Variants in PRIM2 observed in about 807,000 individuals in gnomAD.
PRIM2 encodes DNA primase subunit 2.
A neutral mutation model predicts 67.3 loss-of-function variants in PRIM2; 39 were observed. That is an observed-to-expected ratio of 0.58 (90% confidence interval 0.45 to 0.76). The LOEUF is 0.76. Among genes scored for constraint, PRIM2 ranks in the 30% least tolerant of loss-of-function variants. The probability of loss-of-function intolerance (pLI) is 0.00; values close to 1 mark genes in which losing one functional copy is unlikely to be tolerated. For synonymous variants in PRIM2, 143 were observed against 198.7 expected, an observed-to-expected ratio of 0.72 and a Z score of 2.36; for missense variants, 398 against 598.7, an observed-to-expected ratio of 0.66 and a Z score of 3.50.
chr6:57,467,525 G>A (rs1341190564), intron 7 of PRIM2, among the ~76,000 whole-genome samples: 3 of 152,134 alleles, frequency 2.0e-5, no homozygotes, highest in Non-Finnish European at 4.4e-5. Context: ...TTTGGTTACT[G>A]TAGCCGTATA....
At chr6:57,303,653 T>C in the PRIM2 span, among the ~76,000 whole-genome samples, 1 of 152,158 alleles carries the variant, frequency 6.6e-6, no homozygotes, top group Non-Finnish European at 1.5e-5. Context: ...TCTCCCTCTG[T>C]TGCCCAGGCT....
At chr6:57,418,382 G>GGGTTTTTTTTTT (rs1771343346) in intron 7 of PRIM2, among the ~76,000 whole-genome samples, 3 of 30,598 alleles carry the variant, frequency 9.8e-5, no homozygotes, top group Admixed American at 2.8e-4. Context: ...CTATGTGTGT[G>GGGTTTTTTTTTT]GTTTTTTTTT....
intron 5 of PRIM2, among the ~76,000 whole-genome samples, chr6:57,356,847 A>G: frequency 6.6e-6 from 1 of 151,706 alleles, no homozygotes. Context: ...CTATGCCTAA[A>G]TGTCTCTAGA....
the PRIM2 span, among the ~76,000 whole-genome samples, chr6:57,305,752 A>G: frequency 6.6e-6 from 1 of 152,246 alleles, no homozygotes; most frequent in African/African-American, 2.4e-5. Context: ...ATTTTAGTCC[A>G]GCTTAAATTT....
intron 7 of PRIM2, among the ~76,000 whole-genome samples, chr6:57,472,624 G>C (rs1773365065): frequency 6.6e-6 from 1 of 152,012 alleles, no homozygotes; most frequent in African/African-American, 2.4e-5. Flanking sequence ...TTTGTGTGGG[G>C]CAATTTTACC....
chr6:57,462,621 A>G (rs1205359786), intron 7 of PRIM2, among the ~76,000 whole-genome samples: 2 of 152,200 alleles, frequency 1.3e-5, no homozygotes, highest in East Asian at 1.9e-4. Context: ...TTAGGCTGCC[A>G]TAGTAGAAGA....
chr6:57,454,688 A>C (rs1772694638), intron 7 of PRIM2, among the ~76,000 whole-genome samples: 2 of 152,008 alleles, frequency 1.3e-5, no homozygotes, highest in African/African-American at 2.4e-5. Context: ...CTTCTTTATT[A>C]GTCTTGCTAG....
intron 10 of PRIM2, among the ~76,000 whole-genome samples, chr6:57,557,464 G>T (rs1236079969): frequency 6.6e-6 from 1 of 152,134 alleles, no homozygotes; most frequent in Non-Finnish European, 1.5e-5. Context: ...CTTGTCTTTT[G>T]CAGGAACATG....
chr6:57,381,954 T>C, intron 6 of PRIM2, 77 bp from the exon 7 acceptor site: 6 of 1,426,220 alleles, frequency 4.2e-6, no homozygotes, highest in South Asian at 1.5e-5. Flanking sequence ...TCTTTGTTTA[T>C]ACTTTATACA....
the PRIM2 span, among the ~76,000 whole-genome samples, chr6:57,243,245 T>A: frequency 6.6e-6 from 1 of 152,146 alleles, no homozygotes; most frequent in Non-Finnish European, 1.5e-5. Flanking sequence ...AAAAGGGAGC[T>A]TTAATGGGGA....
chr6:57,606,773 T>C (rs1369308594), intron 12 of PRIM2, among the ~76,000 whole-genome samples: 1 of 152,254 alleles, frequency 6.6e-6, no homozygotes, highest in Non-Finnish European at 1.5e-5. Flanking sequence ...TTTTGAGCAA[T>C]GCATGGAAGC....
At chr6:57,530,950 G>A (rs1774876206) in intron 8 of PRIM2, among the ~76,000 whole-genome samples, 1 of 152,134 alleles carries the variant, frequency 6.6e-6, no homozygotes, top group African/African-American at 2.4e-5. Context: ...CCATCTGCCT[G>A]CCTCAGCCTC....
intron 7 of PRIM2, among the ~76,000 whole-genome samples, chr6:57,387,109 A>G (rs1285265899): frequency 6.6e-6 from 1 of 152,204 alleles, no homozygotes; most frequent in Non-Finnish European, 1.5e-5. Context: ...TGTGCTAAGT[A>G]TATCTCCTTT....
chr6:57,551,134 C>G (rs1305196191), intron 10 of PRIM2, among the ~76,000 whole-genome samples: 9 of 151,974 alleles, frequency 5.9e-5, no homozygotes, highest in African/African-American at 1.9e-4. Context: ...AAAAAATAAC[C>G]AGACAGTTAT....
At chr6:57,446,320 T>G (rs1457979060) in intron 7 of PRIM2, among the ~76,000 whole-genome samples, 2 of 149,750 alleles carry the variant, frequency 1.3e-5, no homozygotes, top group African/African-American at 4.9e-5. Context: ...AATAGAAAAC[T>G]TGCCTCAGAA....
intron 8 of PRIM2, among the ~76,000 whole-genome samples, chr6:57,525,405 C>T (rs1774727420): frequency 1.3e-5 from 2 of 152,168 alleles, no homozygotes; most frequent in South Asian, 4.1e-4. Context: ...GTGATTATCA[C>T]ATCCTACTTC....
the PRIM2 span, among the ~76,000 whole-genome samples, chr6:57,303,643 T>G: frequency 6.6e-6 from 1 of 152,146 alleles, no homozygotes; most frequent in East Asian, 1.9e-4. Flanking sequence ...TGAGATGAAT[T>G]CTCCCTCTGT....
chr6:57,250,499 G>A, the PRIM2 span, among the ~76,000 whole-genome samples: 1 of 152,134 alleles, frequency 6.6e-6, no homozygotes, highest in Non-Finnish European at 1.5e-5. Flanking sequence ...TAAATACTGT[G>A]AAAGAAAAAT....
chr6:57,226,385 A>C, the PRIM2 span, among the ~76,000 whole-genome samples: 4 of 152,228 alleles, frequency 2.6e-5, no homozygotes, highest in Admixed American at 2.0e-4. Context: ...AGACAGAAAA[A>C]GCCTTTAAGC....
Sources: allele counts gnomAD v4.1 joint callset (sites outside exome capture counted in the v4.1 genomes callset), GRCh38; gene constraint gnomAD v4.1.1; transcripts MANE v1.5; gene names NCBI Gene and HGNC (gene_info 2026-07-23, HGNC 2026-07-21).